The following IQCH variants were observed in gnomAD, a reference collection of about 807,000 sequenced individuals.
IQCH encodes IQ motif containing H, also known as IQ domain-containing protein H.
Under a neutral mutation model 117.0 loss-of-function variants are expected in IQCH, and 98 were observed. The observed-to-expected ratio is 0.84, with a 90% CI of 0.71 to 0.99. The LOEUF is 0.99. IQCH is among the 50% of genes least tolerant of loss of function. The pLI, the probability that IQCH is intolerant of heterozygous loss-of-function variation, is 0.00. For synonymous variants in IQCH, 412 were observed against 448.2 expected (o/e 0.92, Z 1.02); for missense variants, 1,102 against 1,243.8 (o/e 0.89, Z 1.72).
intron 18 of IQCH, among the ~76,000 whole-genome samples, chr15:67,486,106 C>T (rs1313904035): frequency 2.8e-5 from 4 of 142,442 alleles, no homozygotes; most frequent in Non-Finnish European, 4.5e-5. Context: ...TCTCGGCTCA[C>T]TGCAACCTCC....
At chr15:67,301,280 T>G (rs916605921) in intron 4 of IQCH, among the ~76,000 whole-genome samples, 11 of 152,244 alleles carry the variant, frequency 7.2e-5, no homozygotes, top group African/African-American at 2.6e-4. Flanking sequence ...TATTATTGAG[T>G]CTCATAATAC....
At position 67,342,023 on chromosome 15, in the gene IQCH, C is replaced by T. The variant is rs903887065; in HGVS notation, c.509-2040C>T. On this transcript the variant is annotated intron_variant, in intron 5 of 20. Transcript: ENST00000335894. The surrounding 1 kb of genome is among the most constrained non-coding windows in gnomAD (Gnocchi z 4.7). ...CAGTGGCTCACACCTATAATCTCAG[C>T]ACCTTGGGAGGCCAAGGCAGGAAGA... is the stretch of plus-strand genomic sequence containing the variant. Among the ~76,000 whole-genome samples, 34 of 152,084 alleles carry T rather than the reference C, an allele frequency of 2.2e-4. No homozygotes were observed. The highest frequency in any genetic ancestry group is 8.0e-4 in the African/African-American group (33 of 41,450).
chr15:67,255,050 C>G, intron 1 of IQCH, 103 bp downstream of exon 1: 1 of 1,114,644 alleles, frequency 9.0e-7, no homozygotes, highest in Non-Finnish European at 1.3e-6. Flanking sequence ...GGTGCGCCGC[C>G]CCTAGACTCC....
chr15:67,490,387 G>A lies in IQCH; in HGVS notation c.2861+323G>A, dbSNP rs1454392932. 5.9e-5 allele frequency among the ~76,000 whole-genome samples: 9 copies of A among 151,910 alleles called. No homozygotes were observed. The highest frequency in any genetic ancestry group is 9.7e-5 in the African/African-American group (4 of 41,352). On this transcript the variant is annotated intron_variant, in intron 19 of 20. Coordinates refer to ENST00000335894, the MANE Select transcript of IQCH (RefSeq NM_001031715.3). This position sits in a 1 kb window ranked among gnomAD's most constrained non-coding sequence, Gnocchi z 4.9. ...TGCCCAGCTAATTTTTGTATTTTTA[G>A]TAGAGACGGGGTTTCATCATGTTGG...
intron 4 of IQCH, among the ~76,000 whole-genome samples, chr15:67,284,138 A>G (rs1187931284): frequency 6.6e-6 from 1 of 152,016 alleles, no homozygotes; most frequent in Non-Finnish European, 1.5e-5. Context: ...ACTAGTTCTT[A>G]TTCATTCTTT....
In IQCH at chr15:67,458,140, TGC is replaced by T. The variant is rs1487150897; in HGVS notation, c.2506-6986_2506-6985del. ...TTTACAGCTGCAAAAGGAGAAAAAGTGCCTGAGATTTCAACCCACCCTCTATA... is the reference window on the plus strand; with the variant it reads ...TTTACAGCTGCAAAAGGAGAAAAAGTCTGAGATTTCAACCCACCCTCTATA... On this transcript the variant is annotated intron_variant, in intron 16 of 20. Coordinates refer to ENST00000335894, the MANE Select transcript of IQCH (RefSeq NM_001031715.3). The surrounding 1 kb of genome is among the most constrained non-coding windows in gnomAD (Gnocchi z 4.1). Among the ~76,000 whole-genome samples, 3 of 152,186 alleles carry T rather than the reference TGC, an allele frequency of 2.0e-5. No homozygotes were observed. The highest frequency in any genetic ancestry group is 4.4e-5 in the Non-Finnish European group (3 of 68,026).
Position 67,284,618 on chromosome 15 carries a change from TC to T in IQCH, c.387+5108del, listed in dbSNP as rs1203837331. On this transcript the variant is annotated intron_variant, in intron 4 of 20. Coordinates refer to ENST00000335894, the MANE Select transcript of IQCH (RefSeq NM_001031715.3). Reference sequence around the variant, plus strand: ...CCTGATCCTCTCCCTTCTTCCACCCTCCTCCCTCCAATAGGACCCAGTGTGT... The same window carrying T: ...CCTGATCCTCTCCCTTCTTCCACCCTCTCCCTCCAATAGGACCCAGTGTGT... 2.0e-5 allele frequency among the ~76,000 whole-genome samples: 3 copies of T among 152,062 alleles called. No homozygotes were observed. In the East Asian group the frequency reaches 5.8e-4, roughly 29 times the overall value.
Position 67,494,124 on chromosome 15 carries a change from G to A in IQCH, c.2862-134G>A. 3.5e-6 allele frequency: 2 copies of A among 568,248 alleles called. No homozygotes were observed. Among genetic ancestry groups the A allele is most frequent in the East Asian group, 6.1e-5 (2 of 32,560 alleles). 35.2% of individuals were successfully genotyped at this position (568,248 alleles called of 1,614,324 possible). A position where few individuals can be genotyped will look rare whatever the true frequency, so the allele number is the denominator to read the frequency against. On this transcript the variant is annotated intron_variant, in intron 19 of 20. Transcript: ENST00000335894. This position sits in a 1 kb window ranked among gnomAD's most constrained non-coding sequence, Gnocchi z 5.5. ...GGAGTCTCATCTTTCATATCTCCCT[G>A]AAGATTGCCACCTTGTGAGATTGAA...
chr15:67,360,045 A>G, intron 8 of IQCH, 160 bp downstream of exon 8: 1 of 596,398 alleles, frequency 1.7e-6, no homozygotes, highest in African/African-American at 1.9e-5. Flanking sequence ...TTTCAGGAAA[A>G]AAAAAAAAAC....
Position 67,466,540 on chromosome 15 carries a change from G to A in IQCH, c.2676+1243G>A, listed in dbSNP as rs1463051499. 1 of 152,194 alleles carries A rather than the reference G, an allele frequency of 6.6e-6. No individual in the cohort carries two copies. The highest frequency in any genetic ancestry group is 1.5e-5 in the Non-Finnish European group (1 of 68,068). The allele number at this position is 152,194 out of a possible 1,614,324, so 9.4% of individuals were successfully genotyped here. Reference sequence around the variant, plus strand: ...CTCTCTGTGAACCCCTTTGGGTCCAGTCTGGATTTGAATAACCTTTGACTC... The same window carrying A: ...CTCTCTGTGAACCCCTTTGGGTCCAATCTGGATTTGAATAACCTTTGACTC... On this transcript the variant is annotated intron_variant, in intron 17 of 20. Transcript: ENST00000335894. The surrounding 1 kb of genome is among the most constrained non-coding windows in gnomAD (Gnocchi z 4.4).
At chr15:67,301,715 TG>T (rs1967055599) in intron 4 of IQCH, among the ~76,000 whole-genome samples, 1 of 152,050 alleles carries the variant, frequency 6.6e-6, no homozygotes, top group Admixed American at 6.6e-5. Context: ...TGTATGATTA[TG>T]TGAATATTCT....
intron 3 of IQCH, among the ~76,000 whole-genome samples, chr15:67,272,244 A>C (rs1965927691): frequency 6.6e-6 from 1 of 151,954 alleles, no homozygotes; most frequent in Non-Finnish European, 1.5e-5. Context: ...ATTGATTTCT[A>C]GTTTTATCTC....
intron 6 of IQCH, among the ~76,000 whole-genome samples, chr15:67,355,194 CTT>C (rs1314627228): frequency 3.9e-5 from 6 of 152,030 alleles, no homozygotes; most frequent in African/African-American, 1.5e-4. Flanking sequence ...TATTGTTTAT[CTT>C]AAGTTAAAAT....
rs1328907905 is a variant in IQCH, at chr15:67,463,612, C to G, written c.2506-1515C>G. ...ACAGAGATCTGAGATATTTATGATT[C>G]ACCCAGCTTCATAAAAACTGCAGGT... is the stretch of plus-strand genomic sequence containing the variant. On this transcript the variant is annotated intron_variant, in intron 16 of 20. Coordinates refer to ENST00000335894, the MANE Select transcript of IQCH (RefSeq NM_001031715.3). This position sits in a 1 kb window ranked among gnomAD's most constrained non-coding sequence, Gnocchi z 4.0. Among the ~76,000 whole-genome samples the G allele has an allele frequency of 6.6e-6, 1 of 152,082 alleles. No individual in the cohort carries two copies. Among genetic ancestry groups the G allele is most frequent in the Admixed American group, 6.6e-5 (1 of 15,264 alleles).
At chr15:67,330,979 G>A (rs1968641515) in intron 4 of IQCH, among the ~76,000 whole-genome samples, 1 of 152,162 alleles carries the variant, frequency 6.6e-6, no homozygotes, top group Non-Finnish European at 1.5e-5. Flanking sequence ...AAAAAACCCA[G>A]AATGCCCAGT....
Position 67,416,204 on chromosome 15 carries a change from G to A in IQCH, c.2098-727G>A, listed in dbSNP as rs967739166. ...TCGAGATCAGTATGACCAACATGGT[G>A]AAACCCTATCTCTACTAAAAATACA... On this transcript the variant is annotated intron_variant, in intron 14 of 20. Transcript: ENST00000335894. The surrounding 1 kb of genome is among the most constrained non-coding windows in gnomAD (Gnocchi z 5.1). Among the ~76,000 whole-genome samples the A allele has an allele frequency of 2.6e-5, 4 of 152,136 alleles. No homozygotes were observed. Among genetic ancestry groups the A allele is most frequent in the Non-Finnish European group, 4.4e-5 (3 of 68,024 alleles).
intron 17 of IQCH, among the ~76,000 whole-genome samples, chr15:67,470,969 A>G (rs945281831): frequency 2.0e-5 from 3 of 152,134 alleles, no homozygotes; most frequent in African/African-American, 7.2e-5. Context: ...TTTTCTTTGG[A>G]GAGCTTTCTC....
chr15:67,434,907 C>G (rs1010209118), intron 16 of IQCH, among the ~76,000 whole-genome samples: 4 of 150,928 alleles, frequency 2.7e-5, no homozygotes, highest in Non-Finnish European at 4.4e-5. Context: ...TACTGAGTAG[C>G]TGGGACTACA....
Position 67,443,685 on chromosome 15 carries a change from A to G in IQCH, c.2506-21442A>G, listed in dbSNP as rs2899723. ...CTGATATACAACTTCGCTTCCTTTG[A>G]AACATATTTCAAAGTCCAGCTCATC... On this transcript the variant is annotated intron_variant, in intron 16 of 20. Transcript: ENST00000335894. The surrounding 1 kb of genome is among the most constrained non-coding windows in gnomAD (Gnocchi z 5.0). Among the ~76,000 whole-genome samples the G allele has an allele frequency of 0.66, 100,795 of 152,038 alleles. 34,721 individuals are homozygous for G. The highest frequency in any genetic ancestry group is 0.81 in the Middle Eastern group (237 of 294).
Sources: gnomAD v4.1 joint callset for allele counts (sites outside exome capture counted in the v4.1 genomes callset) on GRCh38, gnomAD v4.1.1 for gene constraint, Gnocchi (gnomAD v3.1) non-coding constraint, MANE v1.5 for transcripts, NCBI Gene and HGNC (gene_info 2026-07-23, HGNC 2026-07-21) for gene names.